The following SLC7A11 variants were observed in gnomAD, a reference collection of about 807,000 sequenced individuals.
SLC7A11 encodes the protein cystine/glutamate transporter.
SLC7A11 carries 35 observed loss-of-function variants against 54.5 expected under a neutral mutation model. The ratio of observed to expected loss-of-function variants is 0.64; its 90% CI spans 0.49 to 0.85. The LOEUF is 0.85. SLC7A11 is among the 40% of genes least tolerant of loss of function. The pLI, the probability that SLC7A11 is intolerant of heterozygous loss-of-function variation, is 0.00. For missense variants in SLC7A11, 583 were observed against 618.1 expected (o/e 0.94, Z 0.60); for synonymous variants, 230 against 225.2 (o/e 1.02, Z -0.19).
intron 11 of SLC7A11, chr4:138,177,284 A>T (rs1736596441): frequency 6.6e-6 from 1 of 152,146 alleles, no homozygotes; most frequent in Non-Finnish European, 1.5e-5. Flanking sequence ...ACTGGAATTT[A>T]AAAAATTAAT....
chr4:138,240,723 G>A (rs1738356023), intron 1 of SLC7A11, among the ~76,000 whole-genome samples: 2 of 152,172 alleles, frequency 1.3e-5, no homozygotes, highest in East Asian at 1.9e-4. Context: ...GTTAGTACTT[G>A]TTAGTTAGTG....
At chr4:138,185,890 G>A (rs1312226440) in intron 6 of SLC7A11, among the ~76,000 whole-genome samples, 1 of 152,092 alleles carries the variant, frequency 6.6e-6, no homozygotes, top group African/African-American at 2.4e-5. Context: ...AGAAAGCACA[G>A]AAGTGTTCAC....
rs751677780 is a variant in SLC7A11 at position 138,179,237 on chromosome 4, C to G, written c.1424G>C (p.Arg475Thr). The change falls in exon 11 of 12, where the codon AGG becomes ACG. Residue 475 changes from arginine to threonine, a missense_variant. Transcript: ENST00000280612. ...CTTACCCGACATTATTCTAAACCAC[C>G]TGGGTTTCTTGTCCCATATAATAAA... Reference protein sequence around the residue: ...YLFIIWDKKPRWFRIMSEKIT... With the variant: ...YLFIIWDKKPTWFRIMSEKIT... 3.1e-6 allele frequency: 5 copies of G among 1,610,288 alleles called. No homozygotes were observed. The highest frequency in any genetic ancestry group is 1.7e-5 in the Admixed American group (1 of 59,888).
intron 7 of SLC7A11, among the ~76,000 whole-genome samples, chr4:138,183,922 G>C (rs1352455138): frequency 1.3e-5 from 2 of 151,970 alleles, no homozygotes; most frequent in Non-Finnish European, 2.9e-5. Context: ...CCTATAAAAA[G>C]GCTAGAACAC....
intron 6 of SLC7A11, among the ~76,000 whole-genome samples, chr4:138,201,832 C>T (rs1340034789): frequency 5.3e-5 from 8 of 152,188 alleles, no homozygotes; most frequent in South Asian, 2.1e-4. Flanking sequence ...ATTCTCACAA[C>T]GATCTTAAGG....
intron 6 of SLC7A11, among the ~76,000 whole-genome samples, chr4:138,192,439 C>A (rs891460144): frequency 6.6e-6 from 1 of 152,066 alleles, no homozygotes; most frequent in African/African-American, 2.4e-5. Flanking sequence ...CTACTGGTGG[C>A]CAGGGACACC....
At chr4:138,241,763 C>A in intron 1 of SLC7A11, 30 bp downstream of exon 1, 1 of 1,534,172 alleles carries the variant, frequency 6.5e-7, no homozygotes, top group Non-Finnish European at 9.0e-7. Context: ...CCCACAGCCA[C>A]GCCCCCACGA....
At chr4:138,203,091 C>T (rs1208302255) in intron 6 of SLC7A11, among the ~76,000 whole-genome samples, 2 of 152,040 alleles carry the variant, frequency 1.3e-5, no homozygotes, top group Non-Finnish European at 2.9e-5. Context: ...CTTCCTTTAC[C>T]TTAAAAGTAC....
At chr4:138,173,453 G>A (rs1177094002) in intron 11 of SLC7A11, among the ~76,000 whole-genome samples, 3 of 151,882 alleles carry the variant, frequency 2.0e-5, no homozygotes, top group African/African-American at 7.3e-5. Context: ...CCACTAACAT[G>A]GAGAAACCCC....
chr4:138,169,919 C>G lies in SLC7A11; in HGVS notation c.*2037G>C, dbSNP rs1736364687. ...ACGTTAGGTTCAGCTAAAGAAATGT[C>G]AGTCTTGGATATATATTAAATGTTT... On this transcript the variant is annotated 3_prime_UTR_variant, in exon 12 of 12. Coordinates refer to ENST00000280612, the MANE Select transcript of SLC7A11 (RefSeq NM_014331.4). The G allele has an allele frequency of 6.6e-6, 1 of 151,754 alleles. No homozygotes were observed. The highest frequency in any genetic ancestry group is 2.4e-5 in the African/African-American group (1 of 41,324). 9.4% of individuals were successfully genotyped at this position (151,754 alleles called of 1,614,324 possible). A position where few individuals can be genotyped will look rare whatever the true frequency, so the allele number is the denominator to read the frequency against.
At chr4:138,216,073 C>G (rs1474152766) in intron 5 of SLC7A11, among the ~76,000 whole-genome samples, 1 of 152,164 alleles carries the variant, frequency 6.6e-6, no homozygotes, top group Non-Finnish European at 1.5e-5. Flanking sequence ...TCCACCTTTA[C>G]GTTCTAGTCT....
chr4:138,175,130 T>C (rs1464555450), intron 11 of SLC7A11, among the ~76,000 whole-genome samples: 25 of 152,200 alleles, frequency 1.6e-4, no homozygotes, highest in Admixed American at 1.5e-3. Flanking sequence ...CTGCAGTCTT[T>C]GTGAACAGTC....
At chr4:138,227,455 TATATAA>T (rs948754193) in intron 3 of SLC7A11, among the ~76,000 whole-genome samples, 1 of 152,230 alleles carries the variant, frequency 6.6e-6, no homozygotes, top group East Asian at 1.9e-4. Context: ...TGTTAAGTGA[TATATAA>T]ATATAAACTT....
intron 1 of SLC7A11, among the ~76,000 whole-genome samples, chr4:138,238,909 T>C (rs539893745): frequency 6.6e-6 from 1 of 152,224 alleles, no homozygotes; most frequent in Non-Finnish European, 1.5e-5. Context: ...AGTCTGGGAA[T>C]AATTTTTAAT....
At chr4:138,238,929 C>T (rs892440122) in intron 1 of SLC7A11, among the ~76,000 whole-genome samples, 7 of 152,160 alleles carry the variant, frequency 4.6e-5, no homozygotes, top group African/African-American at 1.7e-4. Context: ...TTCGAAAACA[C>T]TCAAACCAAA....
At chr4:138,211,142 G>C (rs995507335) in intron 6 of SLC7A11, among the ~76,000 whole-genome samples, 1 of 151,946 alleles carries the variant, frequency 6.6e-6, no homozygotes, top group African/African-American at 2.4e-5. Context: ...CAGAGAAACA[G>C]AAAACCAAAT....
intron 10 of SLC7A11, among the ~76,000 whole-genome samples, chr4:138,179,599 CAACTT>C (rs1188311944): frequency 6.6e-6 from 1 of 152,120 alleles, no homozygotes; most frequent in Non-Finnish European, 1.5e-5. Flanking sequence ...AAATGTAATT[CAACTT>C]AATTTAAATT....
Position 138,238,130 on chromosome 4 carries a change from T to C in SLC7A11, c.278-1679A>G, listed in dbSNP as rs372215268. On this transcript the variant is annotated intron_variant, in intron 1 of 11. Transcript: ENST00000280612. Reference sequence around the variant, plus strand: ...ATCAAATTAACTATAAGCTAAATTTTTAACATTTAACGATACAATTCACAT... The same window carrying C: ...ATCAAATTAACTATAAGCTAAATTTCTAACATTTAACGATACAATTCACAT... 1.9e-3 allele frequency among the ~76,000 whole-genome samples: 283 copies of C among 152,234 alleles called. 1 individual carries two copies. The highest frequency in any genetic ancestry group is 6.3e-3 in the African/African-American group (261 of 41,546).
At position 138,187,637 on chromosome 4, in the gene SLC7A11, C is replaced by T. The variant is rs755331471; in HGVS notation, c.792-2393G>A. Among the ~76,000 whole-genome samples the T allele has an allele frequency of 1.8e-4, 27 of 152,188 alleles. No individual in the cohort carries two copies. In the Middle Eastern group the frequency reaches 0.014, roughly 77 times the overall value. On this transcript the variant is annotated intron_variant, in intron 6 of 11. Transcript: ENST00000280612. Reference sequence around the variant, plus strand: ...TTGTTTAATATAAAGTTTATTAGAGCTTTTATCAAACTAGTATTTCTCATG... The same window carrying T: ...TTGTTTAATATAAAGTTTATTAGAGTTTTTATCAAACTAGTATTTCTCATG...
Sources: gnomAD v4.1 joint callset for allele counts (sites outside exome capture counted in the v4.1 genomes callset) on GRCh38, gnomAD v4.1.1 for gene constraint, MANE v1.5 for transcripts, NCBI Gene and HGNC (gene_info 2026-07-23, HGNC 2026-07-21) for gene names.